Variants in WWOX observed in about 807,000 individuals in gnomAD.
The protein encoded by WWOX is WW domain containing oxidoreductase.
Under a neutral mutation model 46.2 loss-of-function variants are expected in WWOX, and 69 were observed. The ratio of observed to expected loss-of-function variants is 1.49; its 90% CI spans 1.23 to 1.82. The LOEUF (loss-of-function observed/expected upper bound fraction) is 1.82. Among genes scored for constraint, WWOX ranks in the 40% most tolerant of loss-of-function variants. The pLI is 0.00. For synonymous variants in WWOX, 359 were observed against 202.6 expected, an observed-to-expected ratio of 1.77 and a Z score of -6.56; for missense variants, 919 against 542.6, an observed-to-expected ratio of 1.69 and a Z score of -6.89.
intron 8 of WWOX, among the ~76,000 whole-genome samples, chr16:79,015,344 C>A (rs886815644): frequency 6.6e-6 from 1 of 152,174 alleles, no homozygotes; most frequent in Admixed American, 6.5e-5. Flanking sequence ...GATTTCCAGC[C>A]GTGTGACCTT....
intron 8 of WWOX, among the ~76,000 whole-genome samples, chr16:79,087,650 C>T (rs1447241183): frequency 6.6e-6 from 1 of 152,178 alleles, no homozygotes; most frequent in African/African-American, 2.4e-5. Context: ...TGGCTGTTGG[C>T]CCATGGCAAC....
chr16:78,825,341 C>G (rs1256923161), intron 8 of WWOX: 2 of 310,346 alleles, frequency 6.4e-6, no homozygotes, highest in African/African-American at 2.2e-5. Flanking sequence ...CAAAGCTGAA[C>G]GGAATCAGTT....
intron 8 of WWOX, among the ~76,000 whole-genome samples, chr16:78,536,550 C>G (rs2043763942): frequency 6.6e-6 from 1 of 152,134 alleles, no homozygotes. Context: ...TCGCACCACC[C>G]TTACATATCC....
chr16:79,127,800 G>A (rs1288005010), intron 8 of WWOX, among the ~76,000 whole-genome samples: 2 of 152,202 alleles, frequency 1.3e-5, no homozygotes, highest in Admixed American at 6.5e-5. Flanking sequence ...GGTGGACTGA[G>A]AGTACATGTG....
intron 8 of WWOX, among the ~76,000 whole-genome samples, chr16:78,942,028 A>C (rs1597182588): frequency 6.6e-6 from 1 of 151,862 alleles, no homozygotes; most frequent in African/African-American, 2.4e-5. Flanking sequence ...TTTCTTTCCC[A>C]CTCTCTACCT....
At chr16:78,839,471 T>G (rs1322743967) in intron 8 of WWOX, among the ~76,000 whole-genome samples, 1 of 152,228 alleles carries the variant, frequency 6.6e-6, no homozygotes, top group African/African-American at 2.4e-5. Flanking sequence ...TGGATTACTA[T>G]GGATTCAGAA....
At chr16:78,522,160 A>C (rs911239081) in intron 8 of WWOX, among the ~76,000 whole-genome samples, 8 of 151,818 alleles carry the variant, frequency 5.3e-5, no homozygotes, top group African/African-American at 1.9e-4. Flanking sequence ...AAAAAAAAAA[A>C]ACTTCAGAAG....
chr16:78,825,185 A>G (rs1004688709), intron 8 of WWOX: 2 of 157,666 alleles, frequency 1.3e-5, no homozygotes, highest in South Asian at 1.9e-4. Flanking sequence ...GGTGTGTTCC[A>G]TGGGCAGCGT....
At chr16:78,370,213 A>G (rs1010925064) in intron 5 of WWOX, among the ~76,000 whole-genome samples, 11 of 150,996 alleles carry the variant, frequency 7.3e-5, no homozygotes, top group African/African-American at 2.7e-4. Flanking sequence ...CAAAGATTGT[A>G]AACTCTCTTT....
chr16:78,749,989 C>A (rs1054573607), intron 8 of WWOX, among the ~76,000 whole-genome samples: 3 of 152,046 alleles, frequency 2.0e-5, no homozygotes, highest in Non-Finnish European at 2.9e-5. Flanking sequence ...ACTCTCAGCT[C>A]CCCCCAACAA....
intron 8 of WWOX, among the ~76,000 whole-genome samples, chr16:78,444,598 C>T (rs901045890): frequency 8.0e-5 from 12 of 149,456 alleles, no homozygotes; most frequent in East Asian, 2.0e-4. Context: ...GGGGCGATCT[C>T]GGCTCACTGC....
chr16:78,691,395 G>GAAAACATCT (rs1256312960), intron 8 of WWOX: 4 of 656,726 alleles, frequency 6.1e-6, no homozygotes, highest in Non-Finnish European at 1.1e-5. Flanking sequence ...TTGGCCTACA[G>GAAAACATCT]GGTGCTTTAG....
At chr16:78,950,658 G>T (rs1019811177) in intron 8 of WWOX, among the ~76,000 whole-genome samples, 1 of 152,026 alleles carries the variant, frequency 6.6e-6, no homozygotes, top group African/African-American at 2.4e-5. Flanking sequence ...ATTTTGAGGT[G>T]GAATCCTTTT....
At chr16:78,872,220 C>T (rs889576127) in intron 8 of WWOX, among the ~76,000 whole-genome samples, 1 of 152,186 alleles carries the variant, frequency 6.6e-6, no homozygotes, top group Non-Finnish European at 1.5e-5. Context: ...CAAATCCCAG[C>T]TCTGCTATTA....
intron 8 of WWOX, among the ~76,000 whole-genome samples, chr16:79,119,092 A>T (rs979869865): frequency 6.6e-6 from 1 of 152,158 alleles, no homozygotes; most frequent in African/African-American, 2.4e-5. Flanking sequence ...GGTTTGTGAG[A>T]CATATTGCCA....
intron 8 of WWOX, among the ~76,000 whole-genome samples, chr16:78,854,603 C>T (rs1388276201): frequency 6.6e-6 from 1 of 152,152 alleles, no homozygotes; most frequent in Non-Finnish European, 1.5e-5. Context: ...TTCTTTGAAG[C>T]AGCATGTTGC....
At chr16:79,023,965 A>AAAC (rs1034248694) in intron 8 of WWOX, among the ~76,000 whole-genome samples, 10 of 150,316 alleles carry the variant, frequency 6.7e-5, no homozygotes, top group East Asian at 2.0e-4. Flanking sequence ...AAAAACAAAC[A>AAAC]AAAAAAACAT....
At chr16:78,785,260 C>T (rs150315282) in intron 8 of WWOX, among the ~76,000 whole-genome samples, 1 of 152,190 alleles carries the variant, frequency 6.6e-6, no homozygotes, top group Non-Finnish European at 1.5e-5. Context: ...TTCCCACCTT[C>T]GATGGGCAGG....
At chr16:78,883,598 C>T (rs995321192) in intron 8 of WWOX, among the ~76,000 whole-genome samples, 1 of 151,980 alleles carries the variant, frequency 6.6e-6, no homozygotes, top group Non-Finnish European at 1.5e-5. Flanking sequence ...GTGGTGCCCA[C>T]CTGTAATCCC....
Sources: allele counts gnomAD v4.1 joint callset (sites outside exome capture counted in the v4.1 genomes callset), GRCh38; gene constraint gnomAD v4.1.1; transcripts MANE v1.5; gene names NCBI Gene and HGNC (gene_info 2026-07-23, HGNC 2026-07-21).